The following NR5A2 variants were observed in gnomAD, a reference collection of about 807,000 sequenced individuals.
The protein encoded by NR5A2 is nuclear receptor subfamily 5 group A member 2, also known as CYP7A promoter-binding factor.
NR5A2 carries 26 observed loss-of-function variants against 62.7 expected under a neutral mutation model. The ratio of observed to expected loss-of-function variants is 0.41; its 90% CI spans 0.30 to 0.58. The LOEUF is 0.58. NR5A2 is among the 20% of genes least tolerant of loss of function. The pLI is 0.22. For synonymous variants in NR5A2, 246 were observed against 241.7 expected (o/e 1.02, Z -0.16); for missense variants, 541 against 669.1 (o/e 0.81, Z 2.11).
intron 5 of NR5A2, among the ~76,000 whole-genome samples, chr1:200,075,619 C>T (rs1571429581): frequency 6.6e-6 from 1 of 152,338 alleles, no homozygotes; most frequent in South Asian, 2.1e-4. Context: ...TCTTGAAAGA[C>T]GTGCATAAAC....
At chr1:200,065,452 T>C (rs904191175) in intron 5 of NR5A2, among the ~76,000 whole-genome samples, 2 of 152,202 alleles carry the variant, frequency 1.3e-5, no homozygotes, top group Non-Finnish European at 2.9e-5. Flanking sequence ...CAAGTTTTTC[T>C]TTTTAACCTT....
chr1:200,070,254 C>T (rs893139807), intron 5 of NR5A2, among the ~76,000 whole-genome samples: 5 of 152,170 alleles, frequency 3.3e-5, no homozygotes, highest in East Asian at 1.9e-4. Context: ...CTGTGGGCTT[C>T]GGCTTTCTCG....
Position 200,062,257 on chromosome 1 carries a change from G to GTGTGTGTGTGTGTGTGTA in NR5A2, c.1110+13440_1110+13441insGTGTGTGTGTGTGTGTAT, listed in dbSNP as rs1490926111. Among the ~76,000 whole-genome samples, 44 of 151,606 alleles carry GTGTGTGTGTGTGTGTGTA rather than the reference G, an allele frequency of 2.9e-4. No individual in the cohort carries two copies. In the East Asian group the frequency reaches 3.7e-3, roughly 13 times the overall value. On this transcript the variant is annotated intron_variant, in intron 5 of 7. Coordinates refer to ENST00000367362, the MANE Select transcript of NR5A2 (RefSeq NM_205860.3). ...TGTGTGTGTGTGTGTGTGTGTGTGT[G>GTGTGTGTGTGTGTGTGTA]TATCTGTGTCCATGTGTGTATCGCA...
At chr1:200,130,854 G>C (rs1050224348) in intron 7 of NR5A2, among the ~76,000 whole-genome samples, 1 of 152,134 alleles carries the variant, frequency 6.6e-6, no homozygotes, top group Admixed American at 6.6e-5. Context: ...CTTTACCCAA[G>C]AGCATTGGTT....
intron 5 of NR5A2, among the ~76,000 whole-genome samples, chr1:200,061,237 T>C (rs566321900): frequency 5.7e-4 from 86 of 151,400 alleles, no homozygotes; most frequent in Admixed American, 9.9e-4. Context: ...TATTTGGAAA[T>C]GTCAATGTCA....
intron 7 of NR5A2, among the ~76,000 whole-genome samples, chr1:200,140,943 A>T (rs191048226): frequency 6.6e-6 from 1 of 152,312 alleles, no homozygotes; most frequent in East Asian, 1.9e-4. Context: ...AGGCAGGAGA[A>T]TTGCTTGAAC....
chr1:200,043,975 AG>A, intron 3 of NR5A2, 83 bp downstream of exon 3: 1 of 863,122 alleles, frequency 1.2e-6, no homozygotes, highest in Non-Finnish European at 1.9e-6. Context: ...AGCTAAATTT[AG>A]GCTCCTTTTT....
intron 7 of NR5A2, among the ~76,000 whole-genome samples, chr1:200,168,985 G>A (rs1466999313): frequency 2.0e-5 from 3 of 152,168 alleles, no homozygotes; most frequent in African/African-American, 4.8e-5. Context: ...AGGAAAAGAA[G>A]TATTTTCTAT....
At chr1:200,144,713 A>G (rs553976721) in intron 7 of NR5A2, among the ~76,000 whole-genome samples, 1 of 152,368 alleles carries the variant, frequency 6.6e-6, no homozygotes, top group East Asian at 1.9e-4. Context: ...CTTGTGTACT[A>G]GATGCTGTCC....
At chr1:200,131,045 A>G (rs1258420854) in intron 7 of NR5A2, among the ~76,000 whole-genome samples, 1 of 152,220 alleles carries the variant, frequency 6.6e-6, no homozygotes, top group Non-Finnish European at 1.5e-5. Flanking sequence ...ATATATATGC[A>G]CCTGAGGGTA....
Position 200,144,226 on chromosome 1 carries a change from C to G in NR5A2, c.1378+23271C>G, listed in dbSNP as rs1298423332. Among the ~76,000 whole-genome samples, 23 of 33,590 alleles carry G rather than the reference C, an allele frequency of 6.8e-4. 1 individual carries two copies. The East Asian group carries it at 0.02, about 29-fold the overall frequency. The allele number at this position is 33,590 out of a possible 152,430, so 22.0% of individuals were successfully genotyped here. On this transcript the variant is annotated intron_variant, in intron 7 of 7. Transcript: ENST00000367362. ...ATCCCAGCACTGTTTCTCTCTCTCTCTCTCTCTCACACACACACACACACA... is the reference window on the plus strand; with the variant it reads ...ATCCCAGCACTGTTTCTCTCTCTCTGTCTCTCTCACACACACACACACACA...
chr1:200,081,815 T>C (rs1179202314), intron 5 of NR5A2, among the ~76,000 whole-genome samples: 2 of 151,974 alleles, frequency 1.3e-5, no homozygotes, highest in Non-Finnish European at 2.9e-5. Flanking sequence ...TAGCACTCTG[T>C]TTGTTATTCT....
intron 1 of NR5A2, among the ~76,000 whole-genome samples, chr1:200,035,472 CT>C: frequency 6.6e-6 from 1 of 152,218 alleles, no homozygotes; most frequent in Middle Eastern, 3.4e-3. Flanking sequence ...CTGACCAACA[CT>C]TTCCAGGTCA....
intron 2 of NR5A2, chr1:200,042,880 A>C: frequency 1.0e-6 from 1 of 985,530 alleles, no homozygotes; most frequent in Non-Finnish European, 1.2e-6. Flanking sequence ...CGTCCGGAGC[A>C]AGGCGGTTAC....
intron 5 of NR5A2, among the ~76,000 whole-genome samples, chr1:200,097,334 G>C (rs926210536): frequency 5.9e-5 from 9 of 152,046 alleles, no homozygotes; most frequent in African/African-American, 2.2e-4. Flanking sequence ...CAATGGGAAG[G>C]GATACAGTTC....
At chr1:200,126,781 T>TGCTGGGATTATAGGCATGAGCC (rs1343322963) in intron 7 of NR5A2, among the ~76,000 whole-genome samples, 1 of 151,746 alleles carries the variant, frequency 6.6e-6, no homozygotes, top group Non-Finnish European at 1.5e-5. Context: ...CCTCCCAAAG[T>TGCTGGGATTATAGGCATGAGCC]GCTGGGATTA....
intron 5 of NR5A2, among the ~76,000 whole-genome samples, chr1:200,101,312 G>C (rs1195352296): frequency 6.6e-6 from 1 of 152,090 alleles, no homozygotes; most frequent in Admixed American, 6.6e-5. Flanking sequence ...CTTTATTGTT[G>C]ATTGGAGTAT....
At position 200,129,654 on chromosome 1, in the gene NR5A2, G is replaced by A. The variant is rs778706663; in HGVS notation, c.1378+8699G>A. Among the ~76,000 whole-genome samples, 16 of 152,204 alleles carry A rather than the reference G, an allele frequency of 1.1e-4. 1 individual carries two copies. Among genetic ancestry groups the A allele is most frequent in the Non-Finnish European group, 1.8e-4 (12 of 68,032 alleles). On this transcript the variant is annotated intron_variant, in intron 7 of 7. Coordinates refer to ENST00000367362, the MANE Select transcript of NR5A2 (RefSeq NM_205860.3). ...AGGATGTTCTAATTGTGCAGTGGAG[G>A]GTGTGAACTCGTTGCTTTAACTGCA...
At chr1:200,061,372 G>T (rs1663212391) in intron 5 of NR5A2, among the ~76,000 whole-genome samples, 1 of 148,292 alleles carries the variant, frequency 6.7e-6, no homozygotes, top group Admixed American at 6.9e-5. Context: ...TCTGCCTCCA[G>T]GGTTCAAGCG....
Sources: allele counts gnomAD v4.1 joint callset (sites outside exome capture counted in the v4.1 genomes callset), GRCh38; gene constraint gnomAD v4.1.1; transcripts MANE v1.5; gene names NCBI Gene and HGNC (gene_info 2026-07-23, HGNC 2026-07-21).